Variants in ABCC4 observed in about 807,000 individuals in gnomAD.
The protein encoded by ABCC4 is ATP-binding cassette sub-family C member 4.
A neutral mutation model predicts 168.5 loss-of-function variants in ABCC4; 102 were observed. The ratio of observed to expected loss-of-function variants is 0.61; its 90% CI spans 0.52 to 0.71. The LOEUF (loss-of-function observed/expected upper bound fraction) is 0.71, where lower values mean the gene tolerates loss of function less well. Ranked by LOEUF, ABCC4 falls within the 30% of genes least tolerant of loss-of-function variation. The pLI is 0.00. For missense variants in ABCC4, 1,402 were observed against 1,605.8 expected (o/e 0.87, Z 2.17); for synonymous variants, 617 against 590.7 (o/e 1.04, Z -0.65).
At chr13:95,187,157 A>G (rs2038092579) in intron 10 of ABCC4, among the ~76,000 whole-genome samples, 1 of 152,232 alleles carries the variant, frequency 6.6e-6, no homozygotes, top group South Asian at 2.1e-4. Context: ...CCTAAATGAA[A>G]TGGTACACGG....
At position 95,161,292 on chromosome 13, in the gene ABCC4, T is replaced by C. The variant is rs747333920; in HGVS notation, c.2352A>G (p.Leu784=). 8.7e-6 allele frequency: 14 copies of C among 1,602,680 alleles called. No individual in the cohort carries two copies. Among genetic ancestry groups the C allele is most frequent in the Middle Eastern group, 1.7e-4 (1 of 6,054 alleles). ...ATVLFGIARS[L]LVFYVLVNSS... is the part of the protein sequence containing the mutation. ...AGTTAACAAGGACGTAGAATACCAA[T>C]AGAGATCTTGCTATGCCAAAAAGAA... Residue 784 remains leucine, a synonymous_variant, in exon 19 of 31, where the codon CTA becomes CTG. Transcript: ENST00000645237.
At chr13:95,138,901 T>G (rs953856582) in intron 19 of ABCC4, among the ~76,000 whole-genome samples, 1 of 152,174 alleles carries the variant, frequency 6.6e-6, no homozygotes, top group African/African-American at 2.4e-5. Context: ...GCTGGGCAGC[T>G]CCTTTCCCTT....
chr13:95,022,338 G>C lies in ABCC4; in HGVS notation c.3871-656C>G, dbSNP rs575434813. ...AAATAATAGGACAGTTCTTTGCCAA[G>C]CCTTTGAGTTCCTGAATTCTACCAA... On this transcript the variant is annotated intron_variant, in intron 30 of 30. Coordinates refer to ENST00000645237, the MANE Select transcript of ABCC4 (RefSeq NM_005845.5). Among the ~76,000 whole-genome samples the C allele has an allele frequency of 5.9e-5, 9 of 152,234 alleles. No homozygotes were observed. In the South Asian group the frequency reaches 1.7e-3, roughly 28 times the overall value.
intron 6 of ABCC4, 25 bp downstream of exon 6, chr13:95,209,409 T>C: frequency 6.2e-7 from 1 of 1,609,746 alleles, no homozygotes; most frequent in Admixed American, 1.7e-5. Flanking sequence ...ACATATGACA[T>C]TTTTCACAGC....
At chr13:95,138,279 C>G (rs1268268278) in intron 19 of ABCC4, among the ~76,000 whole-genome samples, 1 of 152,114 alleles carries the variant, frequency 6.6e-6, no homozygotes, top group Non-Finnish European at 1.5e-5. Context: ...GAGTTCCAAA[C>G]TAAATGTGTA....
intron 19 of ABCC4, among the ~76,000 whole-genome samples, chr13:95,157,660 T>C (rs1046283516): frequency 1.4e-4 from 22 of 152,220 alleles, no homozygotes; most frequent in Admixed American, 1.4e-3. Flanking sequence ...GAAAGGCCAG[T>C]AGATAAAAAG....
chr13:95,214,821 G>C (rs532952555), intron 4 of ABCC4, among the ~76,000 whole-genome samples: 110 of 150,862 alleles, frequency 7.3e-4, no homozygotes, highest in Non-Finnish European at 1.4e-3. Flanking sequence ...GGGAGGCAGA[G>C]GTTGCAGTGA....
chr13:95,126,546 A>G (rs886842188), intron 19 of ABCC4, among the ~76,000 whole-genome samples: 1 of 151,512 alleles, frequency 6.6e-6, no homozygotes. Context: ...CCCTCCCACT[A>G]CCCACCCTAT....
intron 27 of ABCC4, among the ~76,000 whole-genome samples, chr13:95,051,283 A>G (rs1426396774): frequency 6.6e-6 from 1 of 152,250 alleles, no homozygotes; most frequent in Non-Finnish European, 1.5e-5. Flanking sequence ...CTCCAAGTCT[A>G]CTTGCTCACA....
chr13:95,142,529 A>G (rs988528450), intron 19 of ABCC4, among the ~76,000 whole-genome samples: 1 of 152,154 alleles, frequency 6.6e-6, no homozygotes, highest in African/African-American at 2.4e-5. Flanking sequence ...AATCACCACT[A>G]AAGAACTTAC....
chr13:95,301,258 G>C lies in ABCC4; in HGVS notation c.57C>G (p.Cys19Trp). ...ACACTCACCAGAAGAACACGCGTGA[G>C]CAGAGGTTCGCGTCCTGCAGCGGGT... ...KPNPLQDANL[C>W]SRVFFWWLNP... The change falls in exon 1 of 31, where the codon TGC becomes TGG. Residue 19 changes from cysteine (C) to tryptophan (W), a missense_variant. Around this residue, in one of 3 missense-constraint regions of ABCC4, gnomAD observed 317 missense variants for 345.5 expected, o/e 0.92. Coordinates refer to ENST00000645237, the MANE Select transcript of ABCC4 (RefSeq NM_005845.5). 1 of 1,594,980 alleles carries C rather than the reference G, an allele frequency of 6.3e-7. No homozygotes were observed. Among genetic ancestry groups the C allele is most frequent in the South Asian group, 1.1e-5 (1 of 88,510 alleles).
At chr13:95,219,581 A>G (rs1488220717) in intron 4 of ABCC4, among the ~76,000 whole-genome samples, 1 of 152,162 alleles carries the variant, frequency 6.6e-6, no homozygotes, top group Non-Finnish European at 1.5e-5. Flanking sequence ...ATCGCAGCTC[A>G]CTGCAGCTTC....
intron 6 of ABCC4, 125 bp from the exon 7 acceptor site, chr13:95,208,050 C>T (rs2038833623): frequency 1.0e-6 from 1 of 970,634 alleles, no homozygotes; most frequent in Non-Finnish European, 1.5e-6. Flanking sequence ...ACAACACAGA[C>T]AGGTCCTACT....
At chr13:95,072,139 G>A (rs2139308617) in intron 24 of ABCC4, among the ~76,000 whole-genome samples, 1 of 152,280 alleles carries the variant, frequency 6.6e-6, no homozygotes, top group South Asian at 2.1e-4. Flanking sequence ...TTTTGTAAAG[G>A]AAAGGAATAC....
At chr13:95,157,122 A>T in intron 19 of ABCC4, among the ~76,000 whole-genome samples, 1 of 144,900 alleles carries the variant, frequency 6.9e-6, no homozygotes, top group South Asian at 2.1e-4. Flanking sequence ...ACACACACAC[A>T]CACACACAAA....
intron 26 of ABCC4, among the ~76,000 whole-genome samples, chr13:95,055,161 G>A (rs1187855543): frequency 1.3e-5 from 2 of 152,110 alleles, no homozygotes; most frequent in Non-Finnish European, 2.9e-5. Flanking sequence ...ACCAAAACCT[G>A]AACAACCATC....
chr13:95,133,221 C>G (rs1292664933), intron 19 of ABCC4, among the ~76,000 whole-genome samples: 1 of 143,322 alleles, frequency 7.0e-6, no homozygotes, highest in Non-Finnish European at 1.5e-5. Flanking sequence ...TCAAGCAATT[C>G]TCCCACCTCG....
At chr13:95,080,172 T>C (rs2034041200) in intron 21 of ABCC4, among the ~76,000 whole-genome samples, 1 of 152,116 alleles carries the variant, frequency 6.6e-6, no homozygotes, top group Admixed American at 6.5e-5. Context: ...ATGGGACACA[T>C]GGGTTCACAC....
At chr13:95,120,063 G>T (rs1234751617) in intron 19 of ABCC4, among the ~76,000 whole-genome samples, 1 of 151,662 alleles carries the variant, frequency 6.6e-6, no homozygotes, top group Non-Finnish European at 1.5e-5. Context: ...CGTATCTCAA[G>T]ATTTTGAGGT....
Sources: gnomAD v4.1 joint callset for allele counts (sites outside exome capture counted in the v4.1 genomes callset) on GRCh38, gnomAD v4.1.1 for gene constraint, gnomAD v4.1.1 regional missense constraint, MANE v1.5 for transcripts, NCBI Gene and HGNC (gene_info 2026-07-23, HGNC 2026-07-21) for gene names.